Variants in ANLN observed in about 807,000 individuals in gnomAD.
The protein encoded by ANLN is anillin, actin binding protein, also known as anillin.
A neutral mutation model predicts 135.1 loss-of-function variants in ANLN; 59 were observed. The observed-to-expected ratio is 0.44, with a 90% confidence interval of 0.35 to 0.54. The LOEUF (loss-of-function observed/expected upper bound fraction) is 0.54. Ranked by LOEUF, ANLN falls within the 20% of genes least tolerant of loss-of-function variation. The pLI, the probability that ANLN is intolerant of heterozygous loss-of-function variation, is 0.00. For synonymous variants in ANLN, 406 were observed against 456.4 expected, an observed-to-expected ratio of 0.89 and a Z score of 1.41; for missense variants, 1,182 against 1,340.0, an observed-to-expected ratio of 0.88 and a Z score of 1.84.
intron 20 of ANLN, among the ~76,000 whole-genome samples, chr7:36,431,093 T>C (rs560303705): frequency 6.6e-6 from 1 of 152,292 alleles, no homozygotes; most frequent in South Asian, 2.1e-4. Context: ...ATCAGTAGCA[T>C]GCTCTGTGCT....
At position 36,399,386 on chromosome 7, in the gene ANLN, T is replaced by C. The variant is rs755534089; in HGVS notation, c.480T>C (p.Asp160=). 2 of 1,605,408 alleles carry C rather than the reference T, an allele frequency of 1.2e-6. No homozygotes were observed. Among genetic ancestry groups the C allele is most frequent in the South Asian group, 1.1e-5 (1 of 89,428 alleles). The stretch of plus-strand genomic sequence containing the variant: ...AACGGCGCCGTTGGGATAATGATGA[T>C]ATGACAGGTATGAATTGTATAGATG... ...AEQRRRWDND[D]MTDDIPESSL... The change falls in exon 3 of 24, where the codon GAT becomes GAC. Residue 160 remains aspartate (D), a synonymous_variant. Transcript: ENST00000265748.
chr7:36,410,601 A>G lies in ANLN; in HGVS notation c.1184A>G (p.His395Arg), dbSNP rs1440071182. Residue 395 changes from histidine to arginine, a missense_variant, in exon 6 of 24, where the codon CAC becomes CGC. Physicochemically the swap from His to Arg is conservative, Grantham distance 29. This residue lies in a region of ANLN where 1,022 missense variants were observed against 1,134.0 expected (regional missense o/e 0.90). Transcript: ENST00000265748. ...GAAAGTCCAGCTCGTAGCACACCCC[A>G]CAGAACCCCCATTATTACTCCAAAT... Reference protein sequence around the residue: ...SKESPARSTPHRTPIITPNTK... With the variant: ...SKESPARSTPRRTPIITPNTK... 6 of 1,614,044 alleles carry G rather than the reference A, an allele frequency of 3.7e-6. No individual in the cohort carries two copies. In the African/African-American group the frequency reaches 4.0e-5, roughly 11 times the overall value.
intron 20 of ANLN, among the ~76,000 whole-genome samples, chr7:36,438,741 T>A (rs906280991): frequency 2.6e-5 from 4 of 152,200 alleles, no homozygotes; most frequent in Non-Finnish European, 5.9e-5. Flanking sequence ...TTCCTTCAAC[T>A]TTGTTCTTAA....
chr7:36,409,711 C>T (rs1033592308), intron 5 of ANLN, among the ~76,000 whole-genome samples: 1 of 151,770 alleles, frequency 6.6e-6, no homozygotes, highest in East Asian at 1.9e-4. Context: ...ACTTTGTCAC[C>T]CAGGATGGAG....
chr7:36,444,851 T>A (rs773430605), intron 22 of ANLN, among the ~76,000 whole-genome samples: 2 of 152,078 alleles, frequency 1.3e-5, no homozygotes, highest in Non-Finnish European at 2.9e-5. Flanking sequence ...CTAACATCTT[T>A]CAGCATCAGT....
chr7:36,425,212 G>T (rs966951838), intron 17 of ANLN, among the ~76,000 whole-genome samples: 1 of 151,490 alleles, frequency 6.6e-6, no homozygotes, highest in African/African-American at 2.4e-5. Context: ...CTTAATCAGG[G>T]ACTCAAGTGT....
chr7:36,415,746 C>A lies in ANLN; in HGVS notation c.1396-12C>A. 3 of 1,566,498 alleles carry A rather than the reference C, an allele frequency of 1.9e-6. No individual in the cohort carries two copies. Among genetic ancestry groups the A allele is most frequent in the Middle Eastern group, 1.7e-4 (1 of 5,818 alleles). On this transcript the variant is annotated splice_polypyrimidine_tract_variant and intron_variant, in intron 7 of 23. Coordinates refer to ENST00000265748, the MANE Select transcript of ANLN (RefSeq NM_018685.5). Reference sequence around the variant, plus strand: ...TGAGAAATAAAATTTACTTTTCATTCGCTTTTTGCAGGAAACTCACTGTCA... The same window carrying A: ...TGAGAAATAAAATTTACTTTTCATTAGCTTTTTGCAGGAAACTCACTGTCA...
rs761128807 is a variant in ANLN, at chr7:36,425,758, G to A, written c.2748+18G>A. 2.0e-5 allele frequency: 32 copies of A among 1,608,394 alleles called. 1 individual carries two copies. The South Asian group carries it at 3.3e-4, about 17-fold the overall frequency. On this transcript the variant is annotated intron_variant, in intron 18 of 23. Coordinates refer to ENST00000265748, the MANE Select transcript of ANLN (RefSeq NM_018685.5). ...TAACCACAGTAAGTAGAATTTTTGA[G>A]AAATTGAGCTTCCTTGAGAAATCTT...
At chr7:36,432,521 A>G (rs1238497069) in intron 20 of ANLN, among the ~76,000 whole-genome samples, 2 of 152,252 alleles carry the variant, frequency 1.3e-5, no homozygotes, top group East Asian at 3.9e-4. Context: ...TCAATATAAG[A>G]TCAAAATGTA....
chr7:36,421,148 A>G (rs1583625841), intron 12 of ANLN, among the ~76,000 whole-genome samples: 2 of 151,680 alleles, frequency 1.3e-5, no homozygotes, highest in Non-Finnish European at 2.9e-5. Flanking sequence ...GCTGACTGCA[A>G]CCTCTGCCTC....
chr7:36,414,284 G>A (rs1389696940), intron 7 of ANLN, among the ~76,000 whole-genome samples: 2 of 152,144 alleles, frequency 1.3e-5, no homozygotes, highest in Non-Finnish European at 2.9e-5. Context: ...AAGAGATGAA[G>A]AAAAGTATGA....
intron 22 of ANLN, among the ~76,000 whole-genome samples, chr7:36,444,672 G>T (rs918795145): frequency 2.0e-5 from 3 of 151,930 alleles, no homozygotes; most frequent in Non-Finnish European, 1.5e-5. Context: ...GAAATAAGCA[G>T]AATTAAAAAG....
intron 1 of ANLN, among the ~76,000 whole-genome samples, chr7:36,394,371 T>C (rs960204855): frequency 6.6e-6 from 1 of 152,200 alleles, no homozygotes; most frequent in Non-Finnish European, 1.5e-5. Flanking sequence ...GTCCCCTTCA[T>C]CAAGAGGGGA....
At chr7:36,425,168 C>T (rs1000033989) in intron 17 of ANLN, among the ~76,000 whole-genome samples, 3 of 151,192 alleles carry the variant, frequency 2.0e-5, no homozygotes, top group Admixed American at 2.0e-4. Flanking sequence ...TTTTTTTTAG[C>T]TCTAACAAAA....
rs550873506 is a variant in ANLN, at chr7:36,434,861, A to AAAAAC, written c.2884-4326_2884-4322dup. 2.7e-3 allele frequency among the ~76,000 whole-genome samples: 413 copies of AAAAAC among 152,306 alleles called. 2 individuals are homozygous for AAAAAC. The highest frequency in any genetic ancestry group is 3.5e-3 in the Non-Finnish European group (238 of 68,034). ...GGGTAACAGAATGAGACTCTGTCTC[A>AAAAAC]AAAACAAAACAAAACAAAACACTTG... On this transcript the variant is annotated intron_variant, in intron 20 of 23. Coordinates refer to ENST00000265748, the MANE Select transcript of ANLN (RefSeq NM_018685.5).
At chr7:36,404,300 T>G (rs1285090985) in intron 3 of ANLN, among the ~76,000 whole-genome samples, 1 of 152,196 alleles carries the variant, frequency 6.6e-6, no homozygotes, top group East Asian at 1.9e-4. Context: ...TGAGAGAGAC[T>G]TGAGCATCCA....
chr7:36,403,329 C>T (rs1033743962), intron 3 of ANLN, among the ~76,000 whole-genome samples: 4 of 151,940 alleles, frequency 2.6e-5, no homozygotes, highest in Non-Finnish European at 5.9e-5. Context: ...GGAATATGTT[C>T]GGGGCAATTT....
At chr7:36,442,641 TA>T (rs1788820351) in intron 21 of ANLN, among the ~76,000 whole-genome samples, 2 of 152,058 alleles carry the variant, frequency 1.3e-5, no homozygotes, top group South Asian at 4.2e-4. Flanking sequence ...TATTTTTATA[TA>T]TTTTTTTGAG....
intron 22 of ANLN, among the ~76,000 whole-genome samples, chr7:36,447,037 AG>A (rs1789031056): frequency 6.6e-6 from 1 of 152,224 alleles, no homozygotes; most frequent in Admixed American, 6.5e-5. Context: ...GATAAGTACC[AG>A]ACCCACTTGC....
Sources: gnomAD v4.1 joint callset for allele counts (sites outside exome capture counted in the v4.1 genomes callset) on GRCh38, gnomAD v4.1.1 for gene constraint, gnomAD v4.1.1 regional missense constraint, MANE v1.5 for transcripts, NCBI Gene and HGNC (gene_info 2026-07-23, HGNC 2026-07-21) for gene names.